The following MOGAT2 variants were observed in gnomAD, a reference collection of about 807,000 sequenced individuals.
The protein encoded by MOGAT2 is 2-acylglycerol O-acyltransferase 2.
Under a neutral mutation model 31.5 loss-of-function variants are expected in MOGAT2, and 27 were observed. The observed-to-expected ratio is 0.86, with a 90% CI of 0.63 to 1.18. The LOEUF (loss-of-function observed/expected upper bound fraction) is 1.18. Ranked by LOEUF, MOGAT2 falls within the 50% of genes most tolerant of loss-of-function variation. The probability of loss-of-function intolerance (pLI) is 0.00; values close to 1 mark genes in which losing one functional copy is unlikely to be tolerated. For missense variants in MOGAT2, 436 were observed against 433.2 expected (o/e 1.01, Z -0.06); for synonymous variants, 163 against 170.0 (o/e 0.96, Z 0.32).
chr11:75,728,999 G>A lies in MOGAT2; in HGVS notation c.850+10G>A, dbSNP rs541032350. 2 of 1,613,094 alleles carry A rather than the reference G, an allele frequency of 1.2e-6. No individual in the cohort carries two copies. Among genetic ancestry groups the A allele is most frequent in the South Asian group, 2.2e-5 (2 of 91,022 alleles). ...CCCATCACCACTGTGGGTAAGTCCA[G>A]GACCAGGCTGGGAGGGAGGAGGCCA... On this transcript the variant is annotated intron_variant, in intron 5 of 5. Coordinates refer to ENST00000198801, the MANE Select transcript of MOGAT2 (RefSeq NM_025098.4).
chr11:75,728,741 G>A (rs748206256), intron 4 of MOGAT2, 49 bp from the exon 5 acceptor site: 1 of 1,536,080 alleles, frequency 6.5e-7, no homozygotes, highest in Non-Finnish European at 9.0e-7. Context: ...TTCAGCTCGT[G>A]CCTTCTCTGG....
intron 2 of MOGAT2, among the ~76,000 whole-genome samples, chr11:75,721,785 C>G (rs1463392881): frequency 6.6e-6 from 1 of 152,136 alleles, no homozygotes; most frequent in Admixed American, 6.5e-5. Flanking sequence ...AACAAGGTCT[C>G]CAGCTTGCAA....
chr11:75,728,131 G>A lies in MOGAT2; in HGVS notation c.637G>A (p.Ala213Thr), dbSNP rs554620597. The A allele has an allele frequency of 1.1e-5, 18 of 1,613,194 alleles. No individual in the cohort carries two copies. Among genetic ancestry groups the A allele is most frequent in the South Asian group, 8.8e-5 (8 of 90,932 alleles). The change falls in exon 4 of 6, where the codon GCC (alanine) becomes ACC (threonine). Residue 213 changes from alanine to threonine, a missense_variant. Transcript: ENST00000198801. ...GAACCGAAAGGGCTTCGTCAGGCTC[G>A]CCCTGACACACGGGTATCAAGCCTC... Reference protein sequence around the residue: ...LRNRKGFVRLALTHGAPLVPI... With the variant: ...LRNRKGFVRLTLTHGAPLVPI...
chr11:75,728,067 C>T lies in MOGAT2; in HGVS notation c.573C>T (p.Ala191=), dbSNP rs142236563. 3 of 1,614,130 alleles carry T rather than the reference C, an allele frequency of 1.9e-6. No homozygotes were observed. Among genetic ancestry groups the T allele is most frequent in the African/African-American group, 2.7e-5 (2 of 75,028 alleles). Residue 191 remains alanine, a synonymous_variant, in exon 4 of 6, where the codon GCC becomes GCT. Transcript: ENST00000198801. ...LGIIVGGAQE[A]LDARPGSFTL... ...TCATTGTAGGGGGTGCCCAGGAGGC[C>T]CTGGATGCCAGGCCTGGATCCTTCA...
chr11:75,731,240 A>G lies in MOGAT2; in HGVS notation c.959A>G (p.Lys320Arg), dbSNP rs748507584. 3.7e-6 allele frequency: 6 copies of G among 1,614,060 alleles called. No individual in the cohort carries two copies. The highest frequency in any genetic ancestry group is 1.3e-5 in the African/African-American group (1 of 74,884). The part of the protein sequence containing the change: ...KELCNLFEAH[K>R]LKFNIPADQH... ...CTGTGCAACCTCTTCGAGGCCCACAAACTTAAGTTCAACATCCCTGCTGAC... is the reference window on the plus strand; with the variant it reads ...CTGTGCAACCTCTTCGAGGCCCACAGACTTAAGTTCAACATCCCTGCTGAC... The change falls in exon 6 of 6, where the codon AAA becomes AGA. Residue 320 changes from lysine to arginine, a missense_variant. By Grantham distance (26) the Lys-to-Arg change is conservative. Coordinates refer to ENST00000198801, the MANE Select transcript of MOGAT2 (RefSeq NM_025098.4).
At chr11:75,727,387 G>C in intron 2 of MOGAT2, 48 bp from the exon 3 acceptor site, 1 of 1,574,302 alleles carries the variant, frequency 6.4e-7, no homozygotes, top group Non-Finnish European at 8.7e-7. Flanking sequence ...CAGAGTCAGG[G>C]CTGGTACACA....
At chr11:75,726,017 C>T (rs748839207) in intron 2 of MOGAT2, among the ~76,000 whole-genome samples, 25 of 152,226 alleles carry the variant, frequency 1.6e-4, no homozygotes, top group Non-Finnish European at 3.5e-4. Flanking sequence ...CTGCTTGGCA[C>T]AGCCCGTCCG....
In MOGAT2 at chr11:75,731,427, G is replaced by A; in HGVS notation, c.*141G>A. 3.2e-6 allele frequency: 3 copies of A among 942,306 alleles called. No homozygotes were observed. The highest frequency in any genetic ancestry group is 4.5e-6 in the Non-Finnish European group (3 of 671,752). 58.4% of individuals were successfully genotyped at this position (942,306 alleles called of 1,614,324 possible). A position where few individuals can be genotyped will look rare whatever the true frequency, so the allele number is the denominator to read the frequency against. ...AACCCATATCAGGCTGTAAGTCAGA[G>A]CAGGCAATGCAGAAGAGGAGACCAG... On this transcript the variant is annotated 3_prime_UTR_variant, in exon 6 of 6. Coordinates refer to ENST00000198801, the MANE Select transcript of MOGAT2 (RefSeq NM_025098.4).
intron 1 of MOGAT2, among the ~76,000 whole-genome samples, chr11:75,718,758 G>A (rs1286892955): frequency 6.6e-6 from 1 of 152,116 alleles, no homozygotes; most frequent in Non-Finnish European, 1.5e-5. Flanking sequence ...CTCTGCCAAA[G>A]GTAACATTTT....
intron 1 of MOGAT2, 93 bp downstream of exon 1, chr11:75,718,072 A>G: frequency 7.9e-7 from 1 of 1,258,136 alleles, no homozygotes; most frequent in Non-Finnish European, 1.2e-6. Context: ...GATGGTGGCA[A>G]GACATTTATC....
chr11:75,718,375 G>C (rs763365165), intron 1 of MOGAT2, among the ~76,000 whole-genome samples: 48 of 152,166 alleles, frequency 3.2e-4, no homozygotes, highest in Non-Finnish European at 5.6e-4. Context: ...GAGGAAACTG[G>C]GGCTGGTAGT....
rs965135560 is a variant in MOGAT2 at position 75,731,312 on chromosome 11, G to A, written c.*26G>A. ...GCCCAAAGGGCAGGGCCAACATTAG[G>A]GAGCCCAGCAGGAGGTGCTGTGCTG... On this transcript the variant is annotated 3_prime_UTR_variant, in exon 6 of 6. Transcript: ENST00000198801. The A allele has an allele frequency of 1.9e-6, 3 of 1,610,730 alleles. No individual in the cohort carries two copies. Among genetic ancestry groups the A allele is most frequent in the Non-Finnish European group, 2.5e-6 (3 of 1,178,050 alleles).
In MOGAT2 at chr11:75,720,188, T is replaced by G. The variant is rs1281021986; in HGVS notation, c.270+18T>G. 7 of 1,598,462 alleles carry G rather than the reference T, an allele frequency of 4.4e-6. No individual in the cohort carries two copies. Among genetic ancestry groups the G allele is most frequent in the Non-Finnish European group, 6.0e-6 (7 of 1,171,216 alleles). The stretch of plus-strand genomic sequence containing the variant: ...CCATCTCGGTGAGTATTGAGGCTGG[T>G]TGGGGTTGGGGAGGGAGTTGGCTGG... On this transcript the variant is annotated intron_variant, in intron 2 of 5. Transcript: ENST00000198801.
chr11:75,731,994 A>C lies in MOGAT2; in HGVS notation c.*708A>C, dbSNP rs974789923. 4 of 152,254 alleles carry C rather than the reference A, an allele frequency of 2.6e-5. No individual in the cohort carries two copies. The highest frequency in any genetic ancestry group is 9.7e-5 in the African/African-American group (4 of 41,370). 9.4% of individuals were successfully genotyped at this position (152,254 alleles called of 1,614,324 possible). A position where few individuals can be genotyped will look rare whatever the true frequency, so the allele number is the denominator to read the frequency against. On this transcript the variant is annotated 3_prime_UTR_variant, in exon 6 of 6. Transcript: ENST00000198801. ...ACAGCCACAGCGAGCTGTCTAAAAC[A>C]CAAAGCTGACCGCGCCATTTCCTAC...
rs769964013 is a variant in MOGAT2 at position 75,728,791 on chromosome 11, G to T, written c.652G>T (p.Ala218Ser). 2.5e-6 allele frequency: 4 copies of T among 1,613,822 alleles called. No homozygotes were observed. The highest frequency in any genetic ancestry group is 3.4e-6 in the Non-Finnish European group (4 of 1,179,922). Residue 218 changes from alanine to serine, a missense_variant and splice_region_variant, in exon 5 of 6, where the codon GCA (alanine) becomes TCA (serine). By Grantham distance (99) the Ala-to-Ser change is moderately conservative. Transcript: ENST00000198801. ...CCTCTTTCCTCTATTTGTCTCCAGG[G>T]CACCCCTGGTGCCAATCTTCTCCTT... is the stretch of plus-strand genomic sequence containing the variant. ...GFVRLALTHGAPLVPIFSFGE... is the reference protein window; with the variant it reads ...GFVRLALTHGSPLVPIFSFGE...
intron 5 of MOGAT2, chr11:75,730,914 CAAA>C: frequency 5.9e-6 from 1 of 169,680 alleles, no homozygotes; most frequent in Non-Finnish European, 1.0e-5. Context: ...GACTCTACCT[CAAA>C]AAAAAAAAAA....
rs533338290 is a variant in MOGAT2 at position 75,729,550 on chromosome 11, C to T, written c.850+561C>T. ...TTGGCCTCCCAAAGTGCTGGAATTA[C>T]AGGCATGAGCCACCGCGCCTGGCCA... On this transcript the variant is annotated intron_variant, in intron 5 of 5. Transcript: ENST00000198801. Among the ~76,000 whole-genome samples the T allele has an allele frequency of 7.9e-5, 12 of 152,238 alleles. No homozygotes were observed. In the South Asian group the frequency reaches 2.5e-3, roughly 32 times the overall value.
chr11:75,725,419 G>A (rs747544141), intron 2 of MOGAT2, among the ~76,000 whole-genome samples: 1 of 152,124 alleles, frequency 6.6e-6, no homozygotes, highest in Non-Finnish European at 1.5e-5. Context: ...GTGATGGCAT[G>A]TGCCTGTAAT....
At chr11:75,718,060 T>A in intron 1 of MOGAT2, 81 bp downstream of exon 1, 2 of 1,330,072 alleles carry the variant, frequency 1.5e-6, no homozygotes, top group Non-Finnish European at 1.1e-6. Context: ...ACACAGCACA[T>A]TGATGGTGGC....
Sources: gnomAD v4.1 joint callset for allele counts (sites outside exome capture counted in the v4.1 genomes callset) on GRCh38, gnomAD v4.1.1 for gene constraint, MANE v1.5 for transcripts, NCBI Gene and HGNC (gene_info 2026-07-23, HGNC 2026-07-21) for gene names.